MYBPC3: variants seen among roughly 807,000 people sequenced by gnomAD.
The protein encoded by MYBPC3 is myosin binding protein C3.
A neutral mutation model predicts 159.3 loss-of-function variants in MYBPC3; 108 were observed. The observed-to-expected ratio is 0.68, with a 90% CI of 0.58 to 0.80. The LOEUF (loss-of-function observed/expected upper bound fraction) is 0.80. Among genes scored for constraint, MYBPC3 ranks in the 30% least tolerant of loss-of-function variants. The pLI is 0.00. For synonymous variants in MYBPC3, 730 were observed against 702.0 expected (o/e 1.04, Z -0.63); for missense variants, 1,631 against 1,762.1 (o/e 0.93, Z 1.33).
chr11:47,343,720 C>T (rs991989210), intron 12 of MYBPC3, 96 bp from the exon 13 acceptor site: 3 of 1,265,244 alleles, frequency 2.4e-6, no homozygotes, highest in Non-Finnish European at 3.2e-6. Flanking sequence ...AGGTCCCCCC[C>T]TCCAATCCCC....
At chr11:47,335,484 C>T (rs1487948490) in intron 26 of MYBPC3, 4 of 315,482 alleles carry the variant, frequency 1.3e-5, no homozygotes, top group African/African-American at 6.5e-5. Context: ...CCCACCACCA[C>T]ACCCGGCTAA....
intron 12 of MYBPC3, 79 bp from the exon 13 acceptor site, chr11:47,343,703 G>T (rs2095891595): frequency 2.8e-6 from 4 of 1,435,978 alleles, no homozygotes; most frequent in Non-Finnish European, 3.7e-6. Flanking sequence ...GGCTGTGGCT[G>T]GGGCCCAGGT....
rs2095879417 is a variant in MYBPC3, at chr11:47,333,581, C to G, written c.3166G>C (p.Ala1056Pro). ...CCAACAACCTGCAGCACCAGCGTGG[C>G]CTTGTCCTCCATGTTCTCAATGCGC... ...TVRIENMEDKATLVLQVVDKP... is the reference protein window; with the variant it reads ...TVRIENMEDKPTLVLQVVDKP... Residue 1056 changes from alanine (A) to proline (P), a missense_variant, in exon 29 of 35, where the codon GCC (alanine) becomes CCC (proline). By Grantham distance (27) the Ala-to-Pro change is conservative. Coordinates refer to ENST00000545968, the MANE Select transcript of MYBPC3 (RefSeq NM_000256.3). The G allele has an allele frequency of 6.2e-7, 1 of 1,601,100 alleles. No homozygotes were observed. The highest frequency in any genetic ancestry group is 1.1e-5 in the South Asian group (1 of 91,092).
chr11:47,342,562 C>T lies in MYBPC3; in HGVS notation c.1624+16G>A. Reference sequence around the variant, plus strand: ...CCAAGCCCTAAAGCCTCATGTGCCCCCCCAGCCAGGCTCACCCTGCACAAT... The same window carrying T: ...CCAAGCCCTAAAGCCTCATGTGCCCTCCCAGCCAGGCTCACCCTGCACAAT... On this transcript the variant is annotated intron_variant, in intron 17 of 34. Coordinates refer to ENST00000545968, the MANE Select transcript of MYBPC3 (RefSeq NM_000256.3). 6.4e-7 allele frequency: 1 copy of T among 1,562,508 alleles called. No individual in the cohort carries two copies. Among genetic ancestry groups the T allele is most frequent in the Non-Finnish European group, 8.7e-7 (1 of 1,153,864 alleles).
At chr11:47,343,445 G>A (rs752571957) in intron 13 of MYBPC3, 47 bp downstream of exon 13, 6 of 1,543,658 alleles carry the variant, frequency 3.9e-6, no homozygotes, top group South Asian at 1.2e-5. Flanking sequence ...CAAGGCTATG[G>A]GGGTCCCCAC....
At chr11:47,347,972 T>G in intron 6 of MYBPC3, 67 bp from the exon 7 acceptor site, 1 of 1,448,318 alleles carries the variant, frequency 6.9e-7, no homozygotes, top group South Asian at 1.2e-5. Context: ...AGCCCTGCCC[T>G]GGGGGCGGCC....
chr11:47,337,829 C>T (rs1243886146), intron 23 of MYBPC3, 35 bp from the exon 24 acceptor site: 2 of 1,528,068 alleles, frequency 1.3e-6, no homozygotes, highest in Admixed American at 2.0e-5. Context: ...ATCAGCCCTG[C>T]CCCGCTCAGG....
Position 47,346,654 on chromosome 11 carries a change from G to T in MYBPC3, c.909-10C>A. 1 of 1,598,422 alleles carries T rather than the reference G, an allele frequency of 6.3e-7. No homozygotes were observed. The highest frequency in any genetic ancestry group is 8.5e-7 in the Non-Finnish European group (1 of 1,170,812). ...CGGGGTCCGGAAACTGCTGCTCCAG[G>T]GGTGGGGGTGGGAGAAAGGGTAGGT... On this transcript the variant is annotated splice_polypyrimidine_tract_variant and intron_variant, in intron 10 of 34. Transcript: ENST00000545968. This position sits in a 1 kb window ranked among gnomAD's most constrained non-coding sequence, Gnocchi z 5.3.
chr11:47,352,192 G>C (rs73453709), intron 1 of MYBPC3, among the ~76,000 whole-genome samples: 1 of 152,078 alleles, frequency 6.6e-6, no homozygotes, highest in Non-Finnish European at 1.5e-5. Flanking sequence ...CACCACCCCC[G>C]GCACCCCAGG....
At chr11:47,347,185 C>T (rs1200686016) in intron 9 of MYBPC3, 156 bp from the exon 10 acceptor site, 2 of 984,802 alleles carry the variant, frequency 2.0e-6, no homozygotes, top group Non-Finnish European at 2.4e-6. Flanking sequence ...ACGGAGGGAG[C>T]TTTTGCAGCC....
At chr11:47,347,184 GC>G in intron 9 of MYBPC3, 155 bp from the exon 10 acceptor site, 1 of 984,294 alleles carries the variant, frequency 1.0e-6, no homozygotes, top group African/African-American at 1.7e-5. Context: ...TACGGAGGGA[GC>G]TTTTGCAGCC....
At position 47,351,064 on chromosome 11, in the gene MYBPC3, T is replaced by C. The variant is rs978045515; in HGVS notation, c.292+175A>G. On this transcript the variant is annotated intron_variant, in intron 2 of 34. Coordinates refer to ENST00000545968, the MANE Select transcript of MYBPC3 (RefSeq NM_000256.3). This position sits in a 1 kb window ranked among gnomAD's most constrained non-coding sequence, Gnocchi z 4.2. Reference sequence around the variant, plus strand: ...AACAAGCCAGGATGGCACATGGGGGTACTCAGAGAGGTCATGTGCAGAAAA... The same window carrying C: ...AACAAGCCAGGATGGCACATGGGGGCACTCAGAGAGGTCATGTGCAGAAAA... Among the ~76,000 whole-genome samples, 4 of 151,952 alleles carry C rather than the reference T, an allele frequency of 2.6e-5. No individual in the cohort carries two copies. The highest frequency in any genetic ancestry group is 9.7e-5 in the African/African-American group (4 of 41,346).
chr11:47,340,165 A>T (rs1016809915), intron 20 of MYBPC3, among the ~76,000 whole-genome samples: 9 of 151,828 alleles, frequency 5.9e-5, no homozygotes, highest in African/African-American at 2.2e-4. Flanking sequence ...ACACACATAC[A>T]CATACACACA....
Position 47,350,005 on chromosome 11 carries a change from C to T in MYBPC3, c.505+9G>A, listed in dbSNP as rs890255177. 31 of 1,559,702 alleles carry T rather than the reference C, an allele frequency of 2.0e-5. No homozygotes were observed. Among genetic ancestry groups the T allele is most frequent in the Non-Finnish European group, 2.5e-5 (29 of 1,152,012 alleles). ...CACCCCAATGCTGGGCACAGCAGCT[C>T]ACACTCACCCACGGTCACCTCGCCA... On this transcript the variant is annotated intron_variant, in intron 4 of 34. Transcript: ENST00000545968.
chr11:47,345,820 C>A lies in MYBPC3; in HGVS notation c.1090+387G>T, dbSNP rs10769255. Among the ~76,000 whole-genome samples the A allele has an allele frequency of 7.9e-5, 12 of 152,092 alleles. No individual in the cohort carries two copies. In the South Asian group the frequency reaches 2.5e-3, roughly 32 times the overall value. On this transcript the variant is annotated intron_variant, in intron 12 of 34. Coordinates refer to ENST00000545968, the MANE Select transcript of MYBPC3 (RefSeq NM_000256.3). ...TTCTTTTGGGTGTGGAGAGGGTTAA[C>A]CGGGCTTCATTTCTTTTCAGAAGAG... is the stretch of plus-strand genomic sequence containing the variant.
rs2095884530 is a variant in MYBPC3, at chr11:47,338,131, C to T, written c.2309-337G>A. ...CCAACCCCACCCAGTCCTCTCCTGA[C>T]ATGTTTCATTCATTCTCCACACCCA... On this transcript the variant is annotated intron_variant, in intron 23 of 34. Coordinates refer to ENST00000545968, the MANE Select transcript of MYBPC3 (RefSeq NM_000256.3). The surrounding 1 kb of genome is among the most constrained non-coding windows in gnomAD (Gnocchi z 4.7). Among the ~76,000 whole-genome samples, 1 of 151,942 alleles carries T rather than the reference C, an allele frequency of 6.6e-6. No individual in the cohort carries two copies. The highest frequency in any genetic ancestry group is 2.1e-4 in the South Asian group (1 of 4,814).
chr11:47,341,265 AG>A (rs2142859472), intron 18 of MYBPC3, 21 bp from the exon 19 acceptor site: 1 of 1,551,216 alleles, frequency 6.4e-7, no homozygotes, highest in Non-Finnish European at 8.7e-7. Context: ...GCAGTGGCTC[AG>A]GGGACCCCAC....
chr11:47,334,932 G>GAA, intron 27 of MYBPC3, 110 bp downstream of exon 27: 4 of 1,247,130 alleles, frequency 3.2e-6, no homozygotes, highest in South Asian at 2.6e-5. Flanking sequence ...TCTCTGCCCA[G>GAA]CGTTCTGGGC....
chr11:47,340,500 T>A (rs2142858658), intron 20 of MYBPC3, among the ~76,000 whole-genome samples: 1 of 152,130 alleles, frequency 6.6e-6, no homozygotes, highest in African/African-American at 2.4e-5. Flanking sequence ...CCGTCTCTAC[T>A]AAAAATACAA....
Sources: allele counts gnomAD v4.1 joint callset (sites outside exome capture counted in the v4.1 genomes callset), GRCh38; gene constraint gnomAD v4.1.1; non-coding constraint Gnocchi (gnomAD v3.1); transcripts MANE v1.5; gene names NCBI Gene and HGNC (gene_info 2026-07-23, HGNC 2026-07-21).